Variants in GLIS1 observed in about 807,000 individuals in gnomAD.
The protein encoded by GLIS1 is GLIS family zinc finger 1.
GLIS1 carries 24 observed loss-of-function variants against 63.8 expected under a neutral mutation model. The observed-to-expected ratio is 0.38, with a 90% confidence interval of 0.27 to 0.53. The LOEUF (loss-of-function observed/expected upper bound fraction) is 0.53, where lower values mean the gene tolerates loss of function less well. GLIS1 is among the 20% of genes least tolerant of loss of function. The probability of loss-of-function intolerance (pLI) is 0.85; values close to 1 mark genes in which losing one functional copy is unlikely to be tolerated. For missense variants in GLIS1, 1,036 were observed against 1,074.1 expected, an observed-to-expected ratio of 0.96 and a Z score of 0.50; for synonymous variants, 450 against 482.5, an observed-to-expected ratio of 0.93 and a Z score of 0.88.
chr1:53,626,458 T>A (rs941143446), intron 2 of GLIS1, among the ~76,000 whole-genome samples: 7 of 152,208 alleles, frequency 4.6e-5, no homozygotes, highest in Admixed American at 2.0e-4. Flanking sequence ...CCAGCCTGCA[T>A]CCAGGGGACC....
intron 2 of GLIS1, among the ~76,000 whole-genome samples, chr1:53,672,257 T>G (rs1646160361): frequency 6.6e-6 from 1 of 152,212 alleles, no homozygotes; most frequent in Non-Finnish European, 1.5e-5. Flanking sequence ...GGGCAGAACA[T>G]TAGATGAGGA....
rs949751726 is a variant in GLIS1, at chr1:53,554,632, GC to G, written c.1321-24681del. Among the ~76,000 whole-genome samples, 3 of 152,038 alleles carry G rather than the reference GC, an allele frequency of 2.0e-5. No individual in the cohort carries two copies. The East Asian group carries it at 5.8e-4, about 30-fold the overall frequency. ...CAGGTTGGAGCCCTGAGTCCATATTGCCCCCCCAGGGCAACAGGGCACTGGA... is the reference window on the plus strand; with the variant it reads ...CAGGTTGGAGCCCTGAGTCCATATTGCCCCCCAGGGCAACAGGGCACTGGA... On this transcript the variant is annotated intron_variant, in intron 4 of 10. Coordinates refer to ENST00000628545, the MANE Select transcript of GLIS1 (RefSeq NM_001367484.1).
At chr1:53,718,821 A>T (rs927627897) in intron 2 of GLIS1, among the ~76,000 whole-genome samples, 2 of 152,138 alleles carry the variant, frequency 1.3e-5, no homozygotes, top group African/African-American at 2.4e-5. Flanking sequence ...CTTAGTAATT[A>T]AAATGTCCTG....
intron 7 of GLIS1, among the ~76,000 whole-genome samples, chr1:53,516,026 T>C (rs1206559085): frequency 6.6e-6 from 1 of 152,132 alleles, no homozygotes; most frequent in Non-Finnish European, 1.5e-5. Context: ...AATCCATGCA[T>C]CCAGCAGATG....
At chr1:53,592,386 T>C (rs564786617) in intron 4 of GLIS1, among the ~76,000 whole-genome samples, 185 of 152,332 alleles carry the variant, frequency 1.2e-3, no homozygotes, top group African/African-American at 4.3e-3. Context: ...TGGAGTCTTG[T>C]CAAGGTTCCT....
chr1:53,648,827 A>G (rs1645874662), intron 2 of GLIS1, among the ~76,000 whole-genome samples: 1 of 152,218 alleles, frequency 6.6e-6, no homozygotes, highest in South Asian at 2.1e-4. Context: ...TACCTTGAAG[A>G]AGGAGGCAGG....
At chr1:53,575,836 C>T (rs903282101) in intron 4 of GLIS1, among the ~76,000 whole-genome samples, 14 of 152,106 alleles carry the variant, frequency 9.2e-5, no homozygotes, top group East Asian at 3.9e-4. Context: ...CTGATTATGC[C>T]GCCCTGCGGG....
chr1:53,632,158 G>A (rs1161324097), intron 2 of GLIS1, among the ~76,000 whole-genome samples: 2 of 147,188 alleles, frequency 1.4e-5, no homozygotes, highest in African/African-American at 5.0e-5. Flanking sequence ...ACTGTGAGGG[G>A]CATGTGACTG....
chr1:53,594,661 CA>C lies in GLIS1; in HGVS notation c.766del (p.Cys256ValfsTer21), dbSNP rs1246176083. 6.4e-7 allele frequency: 1 copy of C among 1,556,026 alleles called. No individual in the cohort carries two copies. The highest frequency in any genetic ancestry group is 1.2e-5 in the South Asian group (1 of 81,782). ...GATGGAGGTGACGTCGGAGGAGGCA[CA>C]GGGTGAGGAGGAGGCTGGGGAGGTG... ...PPTSPASSSPCASSDVTSIIR... is the reference protein window; with the variant it reads ...PPTSPASSSPXASSDVTSIIR... On this transcript the variant is annotated frameshift_variant, in exon 4 of 11. Transcript: ENST00000628545. LOFTEE classifies it high-confidence loss of function.
intron 7 of GLIS1, among the ~76,000 whole-genome samples, chr1:53,516,639 C>A (rs546228367): frequency 2.0e-5 from 3 of 152,122 alleles, no homozygotes; most frequent in African/African-American, 7.2e-5. Flanking sequence ...ATGGCGAAAC[C>A]CTGTCTCTAC....
intron 4 of GLIS1, among the ~76,000 whole-genome samples, chr1:53,531,683 G>A (rs1002478733): frequency 6.6e-6 from 1 of 152,208 alleles, no homozygotes; most frequent in Non-Finnish European, 1.5e-5. Flanking sequence ...ATAAAGCGAC[G>A]TGGTTGAGAT....
chr1:53,570,988 TA>T (rs1265237783), intron 4 of GLIS1, among the ~76,000 whole-genome samples: 3 of 150,524 alleles, frequency 2.0e-5, no homozygotes, highest in East Asian at 1.9e-4. Context: ...AAGCTTCTAC[TA>T]AAAAAAAATA....
intron 2 of GLIS1, among the ~76,000 whole-genome samples, chr1:53,687,868 C>A (rs1231666902): frequency 6.6e-5 from 10 of 152,306 alleles, no homozygotes; most frequent in African/African-American, 2.4e-4. Flanking sequence ...GGTGCTTGAC[C>A]TCCCCGCATC....
chr1:53,722,621 G>T (rs967295951), intron 2 of GLIS1, among the ~76,000 whole-genome samples: 1 of 152,058 alleles, frequency 6.6e-6, no homozygotes, highest in African/African-American at 2.4e-5. Flanking sequence ...TGGGAGTATT[G>T]CTTGAACCCA....
chr1:53,710,222 C>T (rs1646632293), intron 2 of GLIS1, among the ~76,000 whole-genome samples: 1 of 152,238 alleles, frequency 6.6e-6, no homozygotes, highest in Non-Finnish European at 1.5e-5. Context: ...GAATCATTCC[C>T]CACCTGGAGG....
At position 53,606,811 on chromosome 1, in the gene GLIS1, C is replaced by T. The variant is rs1645374604; in HGVS notation, c.260-6533G>A. 2.0e-5 allele frequency among the ~76,000 whole-genome samples: 3 copies of T among 152,242 alleles called. No individual in the cohort carries two copies. The South Asian group carries it at 6.2e-4, about 31-fold the overall frequency. On this transcript the variant is annotated intron_variant, in intron 2 of 10. Transcript: ENST00000628545. ...TCGCGGCCTCACGCCGGGCTTCTGCCGCCCACCACCTCTTATCCCAGACTG... is the reference window on the plus strand; with the variant it reads ...TCGCGGCCTCACGCCGGGCTTCTGCTGCCCACCACCTCTTATCCCAGACTG...
At chr1:53,604,715 G>T (rs1192574684) in intron 2 of GLIS1, among the ~76,000 whole-genome samples, 1 of 152,100 alleles carries the variant, frequency 6.6e-6, no homozygotes, top group African/African-American at 2.4e-5. Flanking sequence ...GGAGTTGACT[G>T]GGCAGGCTCA....
At chr1:53,731,411 G>T (rs928021678) in intron 2 of GLIS1, among the ~76,000 whole-genome samples, 2 of 152,204 alleles carry the variant, frequency 1.3e-5, no homozygotes, top group Admixed American at 6.5e-5. Context: ...GCCCCCTGCA[G>T]CCTCCTGCTG....
intron 2 of GLIS1, among the ~76,000 whole-genome samples, chr1:53,635,916 G>A (rs754967823): frequency 6.6e-5 from 10 of 152,118 alleles, no homozygotes; most frequent in Non-Finnish European, 1.3e-4. Context: ...AAACTAAATA[G>A]TCCAATAGAT....
Sources: gnomAD v4.1 joint callset for allele counts (sites outside exome capture counted in the v4.1 genomes callset) on GRCh38, gnomAD v4.1.1 for gene constraint, MANE v1.5 for transcripts, NCBI Gene and HGNC (gene_info 2026-07-23, HGNC 2026-07-21) for gene names.